The following DDAH1 variants were observed in gnomAD, a reference collection of about 807,000 sequenced individuals.
DDAH1 encodes the protein dimethylarginine dimethylaminohydrolase 1.
In DDAH1, 19 loss-of-function variants were observed where a neutral mutation model predicts 28.8. That is an observed-to-expected ratio of 0.66 (90% CI 0.46 to 0.97). DDAH1 has a LOEUF of 0.97. DDAH1 is among the 50% of genes least tolerant of loss of function. The pLI, the probability that DDAH1 is intolerant of heterozygous loss-of-function variation, is 0.00. For synonymous variants in DDAH1, 153 were observed against 154.4 expected, an observed-to-expected ratio of 0.99 and a Z score of 0.07; for missense variants, 326 against 375.9, an observed-to-expected ratio of 0.87 and a Z score of 1.10.
At position 85,496,135 on chromosome 1, in the gene DDAH1, T is replaced by C. The variant is rs1021189185; in HGVS notation, c.-7+31A>G. The C allele has an allele frequency of 5.1e-5, 30 of 590,340 alleles. No homozygotes were observed. The South Asian group carries it at 1.6e-3, about 31-fold the overall frequency. 36.6% of individuals were successfully genotyped at this position (590,340 alleles called of 1,614,324 possible). A position where few individuals can be genotyped will look rare whatever the true frequency, so the allele number is the denominator to read the frequency against. On this transcript the variant is annotated intron_variant, in intron 2 of 6. Transcript: ENST00000426972. The stretch of plus-strand genomic sequence containing the variant: ...TAAATCAAATGTGTTTACTTTTAGC[T>C]GTAAAGGAGGACATCTAAAATTTAA...
intron 1 of DDAH1, among the ~76,000 whole-genome samples, chr1:85,505,144 C>A (rs751113249): frequency 1.4e-4 from 22 of 151,960 alleles, no homozygotes; most frequent in Admixed American, 3.3e-4. Flanking sequence ...CACCACCATG[C>A]CCGGCTGATT....
intron 1 of DDAH1, among the ~76,000 whole-genome samples, chr1:85,384,194 G>T (rs571855111): frequency 1.3e-5 from 2 of 152,102 alleles, no homozygotes; most frequent in Non-Finnish European, 2.9e-5. Context: ...GAATTGTCTG[G>T]TTTATTTTCT....
intron 1 of DDAH1, among the ~76,000 whole-genome samples, chr1:85,542,866 G>A (rs942336250): frequency 6.6e-6 from 1 of 152,146 alleles, no homozygotes; most frequent in Non-Finnish European, 1.5e-5. Flanking sequence ...AACACTGGGC[G>A]ATTTCACAAA....
chr1:85,498,947 T>C (rs372225018), intron 1 of DDAH1, among the ~76,000 whole-genome samples: 196 of 151,368 alleles, frequency 1.3e-3, no homozygotes, highest in African/African-American at 4.6e-3. Context: ...ATAAAAAAAA[T>C]TCTCAACAAA....
chr1:85,501,480 G>T (rs1656816658), intron 1 of DDAH1, among the ~76,000 whole-genome samples: 1 of 152,166 alleles, frequency 6.6e-6, no homozygotes, highest in Admixed American at 6.5e-5. Flanking sequence ...GAGAAGCTTA[G>T]CATTTGTCCA....
At chr1:85,566,246 C>T (rs577934115) in intron 1 of DDAH1, among the ~76,000 whole-genome samples, 14 of 152,042 alleles carry the variant, frequency 9.2e-5, no homozygotes, top group Admixed American at 9.2e-4. Flanking sequence ...TGGCACATGC[C>T]TGTAATCCTA....
chr1:85,442,112 T>C (rs376106123), intron 1 of DDAH1, among the ~76,000 whole-genome samples: 7 of 152,206 alleles, frequency 4.6e-5, no homozygotes, highest in African/African-American at 2.4e-5. Flanking sequence ...ATGTGCCATG[T>C]TGGTGTGCTG....
intron 1 of DDAH1, chr1:85,404,488 G>A: frequency 6.6e-7 from 1 of 1,516,822 alleles, no homozygotes. Context: ...TGTTACTGAA[G>A]AACAGTCTGA....
intron 2 of DDAH1, among the ~76,000 whole-genome samples, chr1:85,483,022 C>T (rs531604142): frequency 1.3e-3 from 196 of 152,148 alleles, no homozygotes; most frequent in South Asian, 2.3e-3. Context: ...GTCAGGAGTT[C>T]GAGGCCAGCC....
upstream of DDAH1, chr1:85,465,277 G>A: frequency 9.8e-7 from 1 of 1,017,158 alleles, no homozygotes; most frequent in Non-Finnish European, 1.2e-6. Flanking sequence ...CGCGGGTCTC[G>A]CGCCAGCCCA....
At chr1:85,471,961 T>C (rs972957308) in intron 2 of DDAH1, among the ~76,000 whole-genome samples, 1 of 152,240 alleles carries the variant, frequency 6.6e-6, no homozygotes, top group African/African-American at 2.4e-5. Flanking sequence ...GTTTGTTCTC[T>C]GACCTTCTCC....
intron 1 of DDAH1, among the ~76,000 whole-genome samples, chr1:85,505,868 C>CT (rs1056527957): frequency 2.0e-5 from 3 of 152,182 alleles, no homozygotes; most frequent in East Asian, 1.9e-4. Context: ...GATTTATAGA[C>CT]TTTTTTAATA....
At chr1:85,465,707 A>G (rs12023795), upstream of DDAH1, among the ~76,000 whole-genome samples, 2,512 of 152,270 alleles carry the variant, frequency 0.016, 62 homozygotes, top group East Asian at 0.11. Flanking sequence ...TTCACAAAAC[A>G]GCATTTGCAT....
chr1:85,369,048 G>A (rs561527321), intron 1 of DDAH1, among the ~76,000 whole-genome samples: 47 of 146,864 alleles, frequency 3.2e-4, no homozygotes, highest in Admixed American at 1.5e-3. Flanking sequence ...ATGGCTCCCA[G>A]GGGATTCTTT....
In DDAH1 at chr1:85,400,177, C is replaced by CTTTTTTTTTTTTTTTTT. The variant is rs61677601; in HGVS notation, c.304-41347_304-41331dup. Among the ~76,000 whole-genome samples, 11 of 54,858 alleles carry CTTTTTTTTTTTTTTTTT rather than the reference C, an allele frequency of 2.0e-4. 1 individual carries two copies. Among genetic ancestry groups the CTTTTTTTTTTTTTTTTT allele is most frequent in the African/African-American group, 3.8e-4 (7 of 18,664 alleles). The allele number at this position is 54,858 out of a possible 152,430, so 36.0% of individuals were successfully genotyped here. ...TGCAGGAATTCCTTTCTTTTCTTTT[C>CTTTTTTTTTTTTTTTTT]TTTTTTTTTTTTTTTTTTTTTTTTT... is the stretch of plus-strand genomic sequence containing the variant. On this transcript the variant is annotated intron_variant, in intron 1 of 5. Coordinates refer to ENST00000284031, the MANE Select transcript of DDAH1 (RefSeq NM_012137.4).
intron 4 of DDAH1, among the ~76,000 whole-genome samples, chr1:85,330,492 TC>T (rs1553122259): frequency 6.6e-6 from 1 of 152,154 alleles, no homozygotes; most frequent in Non-Finnish European, 1.5e-5. Flanking sequence ...GGACTGTACT[TC>T]CTGCTTCTCA....
At chr1:85,476,498 C>G (rs72724659) in intron 2 of DDAH1, among the ~76,000 whole-genome samples, 36,997 of 151,936 alleles carry the variant, frequency 0.24, 5,058 homozygotes, top group East Asian at 0.47. Context: ...CAGCTCACCC[C>G]CTCCACACAG....
At chr1:85,435,835 G>C (rs540143813) in intron 1 of DDAH1, among the ~76,000 whole-genome samples, 74 of 152,214 alleles carry the variant, frequency 4.9e-4, no homozygotes, top group Admixed American at 3.3e-3. Context: ...CTGTTGCCCA[G>C]GTTGGAATAC....
chr1:85,349,561 A>C (rs1649072343), intron 4 of DDAH1, among the ~76,000 whole-genome samples: 1 of 152,226 alleles, frequency 6.6e-6, no homozygotes. Flanking sequence ...TATTATTAGC[A>C]CTATGACCTG....
Sources: allele counts gnomAD v4.1 joint callset (sites outside exome capture counted in the v4.1 genomes callset), GRCh38; gene constraint gnomAD v4.1.1; transcripts MANE v1.5; gene names NCBI Gene and HGNC (gene_info 2026-07-23, HGNC 2026-07-21).